Variants in BNIP3 observed in about 807,000 individuals in gnomAD.
BNIP3 encodes BCL2 interacting protein 3, also known as BCL2/adenovirus E1B 19 kDa protein-interacting protein 3.
Under a neutral mutation model 23.9 loss-of-function variants are expected in BNIP3, and 16 were observed. The observed-to-expected ratio is 0.67, with a 90% CI of 0.45 to 1.01. The LOEUF is 1.01. Among genes scored for constraint, BNIP3 ranks in the 50% least tolerant of loss-of-function variants. The pLI is 0.00. For missense variants in BNIP3, 198 were observed against 248.7 expected (o/e 0.80, Z 1.37); for synonymous variants, 81 against 89.3 (o/e 0.91, Z 0.53).
In BNIP3 at chr10:131,967,839, A is replaced by T. The variant is rs2036985168; in HGVS notation, c.*685T>A. ...CCAATGCAGAGTGATAAAGAGGAAA[A>T]GATACTGAGTAGGTGCCTTCAGCAG... On this transcript the variant is annotated 3_prime_UTR_variant, in exon 6 of 6. Coordinates refer to ENST00000368636, the MANE Select transcript of BNIP3 (RefSeq NM_004052.4). 1 of 152,334 alleles carries T rather than the reference A, an allele frequency of 6.6e-6. No individual in the cohort carries two copies. The highest frequency in any genetic ancestry group is 1.5e-5 in the Non-Finnish European group (1 of 68,054). The allele number at this position is 152,334 out of a possible 1,614,324, so 9.4% of individuals were successfully genotyped here.
intron 1 of BNIP3, 51 bp downstream of exon 1, chr10:131,981,710 A>T (rs1325648729): frequency 2.2e-6 from 3 of 1,339,156 alleles, no homozygotes; most frequent in Middle Eastern, 2.2e-4. Flanking sequence ...GGCCTTCCCC[A>T]GGCTTCCCCC....
At chr10:131,973,366 T>C (rs1272550582) in intron 2 of BNIP3, 3 of 515,848 alleles carry the variant, frequency 5.8e-6, no homozygotes, top group Non-Finnish European at 1.1e-5. Flanking sequence ...AGCAGCTGGC[T>C]TTGTCACCTG....
rs745399412 is a variant in BNIP3, at chr10:131,970,258, G to A, written c.539+380C>T. 5.3e-5 allele frequency: 12 copies of A among 228,066 alleles called. No homozygotes were observed. Among genetic ancestry groups the A allele is most frequent in the Non-Finnish European group, 8.6e-5 (10 of 116,918 alleles). 14.1% of individuals were successfully genotyped at this position (228,066 alleles called of 1,614,324 possible). ...GTCCTGTCTGGAGGAAGTACAGCAGGTAACTGAGACCCTCCACCTACAGCA... is the reference window on the plus strand; with the variant it reads ...GTCCTGTCTGGAGGAAGTACAGCAGATAACTGAGACCCTCCACCTACAGCA... On this transcript the variant is annotated intron_variant, in intron 5 of 5. Coordinates refer to ENST00000368636, the MANE Select transcript of BNIP3 (RefSeq NM_004052.4). This position sits in a 1 kb window ranked among gnomAD's most constrained non-coding sequence, Gnocchi z 4.1.
At chr10:131,972,470 T>C (rs1342977404) in intron 3 of BNIP3, among the ~76,000 whole-genome samples, 1 of 152,206 alleles carries the variant, frequency 6.6e-6, no homozygotes, top group African/African-American at 2.4e-5. Flanking sequence ...CCGGCACCAG[T>C]TAGCTCAGGA....
In BNIP3 at chr10:131,970,972, T is replaced by G. The variant is rs1473648382; in HGVS notation, c.283-2A>C. On this transcript the variant is annotated splice_acceptor_variant, in intron 3 of 5. Transcript: ENST00000368636. LOFTEE classifies it high-confidence loss of function. The surrounding 1 kb of genome is among the most constrained non-coding windows in gnomAD (Gnocchi z 4.1). ...TCTTTCAATATCATCTTCCTCAGACTAAGATAAAGTCAATGTTAAAGGCAG... is the reference window on the plus strand; with the variant it reads ...TCTTTCAATATCATCTTCCTCAGACGAAGATAAAGTCAATGTTAAAGGCAG... 1 of 1,612,444 alleles carries G rather than the reference T, an allele frequency of 6.2e-7. No individual in the cohort carries two copies. The highest frequency in any genetic ancestry group is 8.5e-7 in the Non-Finnish European group (1 of 1,179,306).
intron 2 of BNIP3, 25 bp downstream of exon 2, chr10:131,973,768 C>T: frequency 6.2e-7 from 1 of 1,611,150 alleles, no homozygotes; most frequent in South Asian, 1.1e-5. Context: ...CACTGTAACA[C>T]ATACACTTGT....
At chr10:131,977,994 A>C (rs1031532504) in intron 1 of BNIP3, among the ~76,000 whole-genome samples, 1 of 152,204 alleles carries the variant, frequency 6.6e-6, no homozygotes, top group Non-Finnish European at 1.5e-5. Flanking sequence ...TTTTCAAAGA[A>C]AGATGGGCTT....
intron 5 of BNIP3, 131 bp from the exon 6 acceptor site, chr10:131,968,700 A>T: frequency 1.5e-6 from 1 of 655,252 alleles, no homozygotes; most frequent in South Asian, 2.0e-5. Context: ...CCATTATAAA[A>T]ATTTTGTAAT....
At chr10:131,968,842 C>G in intron 5 of BNIP3, 1 of 326,666 alleles carries the variant, frequency 3.1e-6, no homozygotes, top group Non-Finnish European at 5.9e-6. Context: ...CAGAAAGCTT[C>G]TGCTTTGTTC....
intron 3 of BNIP3, chr10:131,971,254 G>A: frequency 4.6e-6 from 2 of 437,302 alleles, no homozygotes; most frequent in South Asian, 4.5e-5. Flanking sequence ...AGATTCTGGG[G>A]GTACTGACAG....
intron 1 of BNIP3, among the ~76,000 whole-genome samples, chr10:131,978,876 A>G (rs1345006246): frequency 6.6e-6 from 1 of 151,314 alleles, no homozygotes; most frequent in Non-Finnish European, 1.5e-5. Context: ...TCCCCAGGGG[A>G]GGTGGGCTCT....
chr10:131,971,284 G>C, intron 3 of BNIP3: 1 of 369,446 alleles, frequency 2.7e-6, no homozygotes, highest in Non-Finnish European at 5.1e-6. Context: ...CTGTCCTAGG[G>C]AAGTCACGTG....
At chr10:131,973,404 C>T (rs892891904) in intron 2 of BNIP3, 2 of 490,726 alleles carry the variant, frequency 4.1e-6, no homozygotes, top group African/African-American at 3.9e-5. Context: ...GTCTGTTGCA[C>T]AGCTCTCAAG....
chr10:131,976,155 C>T lies in BNIP3; in HGVS notation c.47-2212G>A, dbSNP rs958110239. ...TCTGTTTTGGCCAGCTGTCTTTCTC[C>T]GCTGAATCTACAGTATTCAGATTCT... On this transcript the variant is annotated intron_variant, in intron 1 of 5. Coordinates refer to ENST00000368636, the MANE Select transcript of BNIP3 (RefSeq NM_004052.4). This position sits in a 1 kb window ranked among gnomAD's most constrained non-coding sequence, Gnocchi z 4.3. Among the ~76,000 whole-genome samples the T allele has an allele frequency of 6.6e-6, 1 of 152,194 alleles. No homozygotes were observed. The highest frequency in any genetic ancestry group is 1.5e-5 in the Non-Finnish European group (1 of 68,038).
chr10:131,970,861 C>T lies in BNIP3; in HGVS notation c.389+3G>A. The T allele has an allele frequency of 6.2e-7, 1 of 1,614,246 alleles. No individual in the cohort carries two copies. The highest frequency in any genetic ancestry group is 8.5e-7 in the Non-Finnish European group (1 of 1,180,044). ...GCCCCCGTGACACTGAGAACACACT[C>T]ACTTGGGGGGAATATTTTCCGGCCG... On this transcript the variant is annotated splice_donor_region_variant and intron_variant, in intron 4 of 5. Coordinates refer to ENST00000368636, the MANE Select transcript of BNIP3 (RefSeq NM_004052.4). The surrounding 1 kb of genome is among the most constrained non-coding windows in gnomAD (Gnocchi z 4.1).
chr10:131,977,043 C>T (rs961680280), intron 1 of BNIP3, among the ~76,000 whole-genome samples: 31 of 152,234 alleles, frequency 2.0e-4, no homozygotes, highest in African/African-American at 6.0e-4. Context: ...GAGGCCGAGG[C>T]GGGCAGATCA....
chr10:131,979,811 CTCAGAGGAGA>C (rs1376544999), intron 1 of BNIP3, among the ~76,000 whole-genome samples: 2 of 152,268 alleles, frequency 1.3e-5, no homozygotes, highest in Non-Finnish European at 1.5e-5. Context: ...AGAGGGTACA[CTCAGAGGAGA>C]GAGTGCTTGC....
In BNIP3 at chr10:131,981,810, G is replaced by A. The variant is rs761025243; in HGVS notation, c.-4C>T. On this transcript the variant is annotated 5_prime_UTR_variant, in exon 1 of 6. Coordinates refer to ENST00000368636, the MANE Select transcript of BNIP3 (RefSeq NM_004052.4). ...CGGGCGCTCCGTTCTGCGACATGGC[G>A]CCAGAGGGCAACTGCGGCGATCGGA... is the stretch of plus-strand genomic sequence containing the variant. 33 of 1,476,136 alleles carry A rather than the reference G, an allele frequency of 2.2e-5. 2 individuals are homozygous for A. The South Asian group carries it at 4.2e-4, about 19-fold the overall frequency. 91.4% of individuals were successfully genotyped at this position (1,476,136 alleles called of 1,614,324 possible). A position where few individuals can be genotyped will look rare whatever the true frequency, so the allele number is the denominator to read the frequency against.
At chr10:131,974,877 T>C (rs576443432) in intron 1 of BNIP3, among the ~76,000 whole-genome samples, 28 of 152,354 alleles carry the variant, frequency 1.8e-4, no homozygotes, top group African/African-American at 6.3e-4. Context: ...CCATTATAAA[T>C]AGAAACTGAG....
Sources: gnomAD v4.1 joint callset for allele counts (sites outside exome capture counted in the v4.1 genomes callset) on GRCh38, gnomAD v4.1.1 for gene constraint, Gnocchi (gnomAD v3.1) non-coding constraint, MANE v1.5 for transcripts, NCBI Gene and HGNC (gene_info 2026-07-23, HGNC 2026-07-21) for gene names.